KIF26B: variants seen among roughly 807,000 people sequenced by gnomAD.
KIF26B encodes kinesin-like protein KIF26B.
In KIF26B, 63 loss-of-function variants were observed where a neutral mutation model predicts 151.2. The ratio of observed to expected loss-of-function variants is 0.42; its 90% CI spans 0.34 to 0.51. KIF26B has a LOEUF of 0.51. KIF26B is among the 20% of genes least tolerant of loss of function. The probability of loss-of-function intolerance (pLI) is 0.07; values close to 1 mark genes in which losing one functional copy is unlikely to be tolerated. For missense variants in KIF26B, 2,813 were observed against 2,913.6 expected, an observed-to-expected ratio of 0.97 and a Z score of 0.79; for synonymous variants, 1,357 against 1,262.1, an observed-to-expected ratio of 1.08 and a Z score of -1.59.
chr1:245,652,924 A>T (rs2044035905), intron 10 of KIF26B, among the ~76,000 whole-genome samples: 1 of 152,158 alleles, frequency 6.6e-6, no homozygotes, highest in South Asian at 2.1e-4. Flanking sequence ...TAGAAATTGG[A>T]AGGCGTCTTC....
At chr1:245,632,820 A>T (rs2043795126) in intron 9 of KIF26B, among the ~76,000 whole-genome samples, 1 of 152,170 alleles carries the variant, frequency 6.6e-6, no homozygotes, top group Admixed American at 6.6e-5. Context: ...AGGTGGAAGG[A>T]TCGTTTGAGC....
chr1:245,366,770 C>A (rs1672963275), intron 2 of KIF26B, 64 bp from the exon 3 acceptor site: 2 of 1,524,208 alleles, frequency 1.3e-6, no homozygotes, highest in African/African-American at 2.7e-5. Context: ...AGCCAGGTAT[C>A]TGACTTGCAC....
At chr1:245,386,979 C>T (rs994533053) in intron 3 of KIF26B, among the ~76,000 whole-genome samples, 5 of 152,068 alleles carry the variant, frequency 3.3e-5, no homozygotes, top group African/African-American at 1.2e-4. Flanking sequence ...GCACAGATAT[C>T]AGCTGGGGGA....
At chr1:245,234,182 T>C (rs199701755) in intron 2 of KIF26B, among the ~76,000 whole-genome samples, 1 of 151,444 alleles carries the variant, frequency 6.6e-6, no homozygotes, top group Non-Finnish European at 1.5e-5. Flanking sequence ...AGACTCCCTC[T>C]TAAAAAAAAA....
rs973663201 is a variant in KIF26B, at chr1:245,564,385, C to T, written c.1350+23435C>T. Among the ~76,000 whole-genome samples, 3 of 152,098 alleles carry T rather than the reference C, an allele frequency of 2.0e-5. No individual in the cohort carries two copies. Among genetic ancestry groups the T allele is most frequent in the Middle Eastern group, 3.4e-3 (1 of 294 alleles). Reference sequence around the variant, plus strand: ...ACGGAGACCTTTCCCGGAGCAGGAACGGGGCCACGGCCGTGTTTGCATTTT... The same window carrying T: ...ACGGAGACCTTTCCCGGAGCAGGAATGGGGCCACGGCCGTGTTTGCATTTT... On this transcript the variant is annotated intron_variant, in intron 5 of 14. Coordinates refer to ENST00000407071, the MANE Select transcript of KIF26B (RefSeq NM_018012.4). The surrounding 1 kb of genome is among the most constrained non-coding windows in gnomAD (Gnocchi z 4.6).
At chr1:245,556,430 T>A (rs1470762226) in intron 5 of KIF26B, among the ~76,000 whole-genome samples, 1 of 151,560 alleles carries the variant, frequency 6.6e-6, no homozygotes, top group Admixed American at 6.6e-5. Flanking sequence ...AGGGTCTGCT[T>A]TTGTCACCCA....
intron 9 of KIF26B, among the ~76,000 whole-genome samples, chr1:245,639,642 C>T (rs114474318): frequency 0.016 from 2,446 of 151,752 alleles, 59 homozygotes; most frequent in African/African-American, 0.055. Context: ...TTCTGTATCC[C>T]GTGGGTTCTG....
chr1:245,279,311 T>G (rs944774999), intron 2 of KIF26B, among the ~76,000 whole-genome samples: 1 of 150,714 alleles, frequency 6.6e-6, no homozygotes, highest in Admixed American at 6.6e-5. Context: ...TCTTTCTTTT[T>G]TTTTTTTTTT....
At chr1:245,296,786 A>T (rs12137942) in intron 2 of KIF26B, among the ~76,000 whole-genome samples, 1 of 152,236 alleles carries the variant, frequency 6.6e-6, no homozygotes. Context: ...GAGCTCAGTC[A>T]ACATTCAGCT....
intron 10 of KIF26B, among the ~76,000 whole-genome samples, chr1:245,678,520 CTG>C (rs988225446): frequency 2.0e-5 from 3 of 152,042 alleles, no homozygotes; most frequent in African/African-American, 7.2e-5. Context: ...TGTAAGAATT[CTG>C]TGTGTGTAGT....
chr1:245,448,040 C>T (rs1572066496), intron 4 of KIF26B, among the ~76,000 whole-genome samples: 2 of 152,374 alleles, frequency 1.3e-5, no homozygotes, highest in Admixed American at 6.5e-5. Flanking sequence ...CTACGCCCCA[C>T]TTTGGGGCTC....
intron 5 of KIF26B, among the ~76,000 whole-genome samples, chr1:245,553,032 C>T (rs1029555779): frequency 2.0e-5 from 3 of 152,154 alleles, no homozygotes; most frequent in Non-Finnish European, 4.4e-5. Context: ...GAGGTGACAC[C>T]GCTTTTCAGA....
At chr1:245,341,303 GTTTTTTTTTTTTTTTTTTTTTT>G (rs34249209) in intron 2 of KIF26B, among the ~76,000 whole-genome samples, 2 of 82,540 alleles carry the variant, frequency 2.4e-5, no homozygotes, top group African/African-American at 3.2e-5. Context: ...AAAAGATGCA[GTTTTTTTTTTTTTTTTTTTTTT>G]TTTTTTTTTT....
chr1:245,206,389 T>A (rs1669407042), intron 2 of KIF26B: 1 of 152,234 alleles, frequency 6.6e-6, no homozygotes, highest in Non-Finnish European at 1.5e-5. Flanking sequence ...ATTAAGCATT[T>A]CATGTGATAT....
intron 4 of KIF26B, chr1:245,511,205 T>G (rs1323846539): frequency 2.9e-6 from 2 of 685,992 alleles, no homozygotes; most frequent in Non-Finnish European, 5.3e-6. Context: ...TTTAACTTTT[T>G]CAGTTTCCTT....
At chr1:245,469,620 A>T (rs1161357477) in intron 4 of KIF26B, among the ~76,000 whole-genome samples, 1 of 152,226 alleles carries the variant, frequency 6.6e-6, no homozygotes, top group Non-Finnish European at 1.5e-5. Flanking sequence ...GGTGGGGCTA[A>T]GCACAGCTAA....
chr1:245,468,042 A>G (rs1021513116), intron 4 of KIF26B, among the ~76,000 whole-genome samples: 2 of 122,056 alleles, frequency 1.6e-5, no homozygotes, highest in Middle Eastern at 4.3e-3. Context: ...ATGGCCTCCT[A>G]TTCCTTTGAA....
At chr1:245,444,446 C>G (rs1206639767) in intron 4 of KIF26B, among the ~76,000 whole-genome samples, 1 of 152,254 alleles carries the variant, frequency 6.6e-6, no homozygotes, top group Non-Finnish European at 1.5e-5. Context: ...TCCTCCGTAC[C>G]TTGCAGGAGG....
intron 5 of KIF26B, among the ~76,000 whole-genome samples, chr1:245,594,432 TC>T (rs1273977167): frequency 3.9e-5 from 6 of 152,160 alleles, no homozygotes; most frequent in African/African-American, 1.4e-4. Flanking sequence ...GGGAATCCTT[TC>T]CCCATTGCTT....
Sources: gnomAD v4.1 joint callset for allele counts (sites outside exome capture counted in the v4.1 genomes callset) on GRCh38, gnomAD v4.1.1 for gene constraint, Gnocchi (gnomAD v3.1) non-coding constraint, MANE v1.5 for transcripts, NCBI Gene and HGNC (gene_info 2026-07-23, HGNC 2026-07-21) for gene names.